Variants in OR14A2 observed in about 807,000 individuals in gnomAD.
OR14A2 encodes olfactory receptor family 14 subfamily A member 2, also known as olfactory receptor 14A2.
For missense variants in OR14A2, 237 were observed against 152.9 expected (o/e 1.55, Z -2.90); for synonymous variants, 114 against 58.6 (o/e 1.95, Z -4.32).
At chr1:247,737,830 C>T in the OR14A2 span, among the ~76,000 whole-genome samples, 1 of 152,154 alleles carries the variant, frequency 6.6e-6, no homozygotes, top group Non-Finnish European at 1.5e-5. Context: ...AGAGGACACA[C>T]TGCATCTCTG....
chr1:247,745,866 G>T, the OR14A2 span, among the ~76,000 whole-genome samples: 1 of 152,062 alleles, frequency 6.6e-6, no homozygotes, highest in Non-Finnish European at 1.5e-5. Context: ...GAAATAATCT[G>T]TTTTTTTGAG....
chr1:247,730,868 G>A, the OR14A2 span, among the ~76,000 whole-genome samples: 41 of 152,116 alleles, frequency 2.7e-4, no homozygotes, highest in African/African-American at 9.9e-4. Context: ...ATTGGATGAT[G>A]CCTCTCCACC....
At chr1:247,741,616 A>G in the OR14A2 span, among the ~76,000 whole-genome samples, 1 of 152,214 alleles carries the variant, frequency 6.6e-6, no homozygotes. Flanking sequence ...TGCATATGTT[A>G]AATATACATA....
chr1:247,731,545 T>G, the OR14A2 span, among the ~76,000 whole-genome samples: 1 of 152,050 alleles, frequency 6.6e-6, no homozygotes, highest in Non-Finnish European at 1.5e-5. Context: ...GGCCATTATA[T>G]CTATAATTAT....
At chr1:247,725,777 C>T (rs898510112), upstream of OR14A2, among the ~76,000 whole-genome samples, 6 of 129,430 alleles carry the variant, frequency 4.6e-5, no homozygotes, top group Admixed American at 1.6e-4. Context: ...TGAGAATATG[C>T]GGTGTTTGGT....
chr1:247,734,265 C>A, the OR14A2 span, among the ~76,000 whole-genome samples: 2 of 152,144 alleles, frequency 1.3e-5, no homozygotes, highest in African/African-American at 4.8e-5. Flanking sequence ...GAGGAAGAGG[C>A]AGCAAGACAG....
chr1:247,745,954 ATTGGGT>A, the OR14A2 span, among the ~76,000 whole-genome samples: 4 of 152,142 alleles, frequency 2.6e-5, no homozygotes, highest in African/African-American at 9.7e-5. Flanking sequence ...ATGGTCGTTA[ATTGGGT>A]TCTACTCCCA....
upstream of OR14A2, chr1:247,724,187 T>A: frequency 1.9e-6 from 1 of 515,580 alleles, no homozygotes; most frequent in East Asian, 3.0e-5. Context: ...GTCATGTACC[T>A]ACCTAAAATG....
At chr1:247,731,732 T>A in the OR14A2 span, among the ~76,000 whole-genome samples, 1 of 152,166 alleles carries the variant, frequency 6.6e-6, no homozygotes, top group African/African-American at 2.4e-5. Flanking sequence ...TGTGGAGAAA[T>A]CCCATTTGTA....
the OR14A2 span, chr1:247,739,621 T>G: frequency 1.5e-6 from 1 of 667,518 alleles, no homozygotes; most frequent in East Asian, 2.6e-5. Context: ...CACTAGCTGT[T>G]TAAAATTATC....
chr1:247,734,189 T>C, the OR14A2 span, among the ~76,000 whole-genome samples: 1 of 152,108 alleles, frequency 6.6e-6, no homozygotes, highest in Non-Finnish European at 1.5e-5. Flanking sequence ...AACTTACTGA[T>C]GCCTTATTAG....
At chr1:247,745,257 C>T in the OR14A2 span, among the ~76,000 whole-genome samples, 313 of 151,770 alleles carry the variant, frequency 2.1e-3, 1 homozygote, top group African/African-American at 7.0e-3. Context: ...TATATCCAAA[C>T]GTGATTAATA....
At chr1:247,737,650 C>T in the OR14A2 span, among the ~76,000 whole-genome samples, 3 of 152,054 alleles carry the variant, frequency 2.0e-5, no homozygotes, top group Non-Finnish European at 4.4e-5. Flanking sequence ...TAGAGATGGC[C>T]TGGAAACCAA....
chr1:247,726,982 G>T (rs1216516647), upstream of OR14A2, among the ~76,000 whole-genome samples: 7,762 of 146,706 alleles, frequency 0.053, 220 homozygotes, highest in African/African-American at 0.068. Context: ...CTCCAGCTTT[G>T]TTCTTTTGGC....
At chr1:247,728,515 A>C (rs890829730), upstream of OR14A2, among the ~76,000 whole-genome samples, 8 of 152,250 alleles carry the variant, frequency 5.3e-5, no homozygotes, top group Non-Finnish European at 8.8e-5. Context: ...AACTGGCACA[A>C]GACAGGGATG....
chr1:247,724,738 G>C (rs538622922), upstream of OR14A2, among the ~76,000 whole-genome samples: 1 of 151,998 alleles, frequency 6.6e-6, no homozygotes, highest in Non-Finnish European at 1.5e-5. Context: ...GTGCATATGT[G>C]TACTAAAGCC....
chr1:247,723,722 C>T (rs1174528241), exon 1 of OR14A2: 1 of 718,298 alleles, frequency 1.4e-6, no homozygotes, highest in Non-Finnish European at 2.6e-6. Context: ...AATATCTCTC[C>T]TGCTGAGAAG....
the OR14A2 span, chr1:247,746,936 T>C: frequency 6.6e-6 from 1 of 152,164 alleles, no homozygotes; most frequent in African/African-American, 2.4e-5. Flanking sequence ...TATATCCTCC[T>C]ACACATAATC....
chr1:247,735,879 T>G, the OR14A2 span, among the ~76,000 whole-genome samples: 1 of 152,176 alleles, frequency 6.6e-6, no homozygotes, highest in Non-Finnish European at 1.5e-5. Flanking sequence ...AGAGCTCTCT[T>G]TGAACAAAAA....
Sources: allele counts gnomAD v4.1 joint callset (sites outside exome capture counted in the v4.1 genomes callset), GRCh38; gene constraint gnomAD v4.1.1; transcripts MANE v1.5; gene names NCBI Gene and HGNC (gene_info 2026-07-23, HGNC 2026-07-21).